TLK1: variants seen among roughly 807,000 people sequenced by gnomAD.
TLK1 encodes tousled like kinase 1.
In TLK1, 24 loss-of-function variants were observed where a neutral mutation model predicts 105.3. That is an observed-to-expected ratio of 0.23 (90% CI 0.17 to 0.32). The LOEUF (loss-of-function observed/expected upper bound fraction) is 0.32. TLK1 is among the 10% of genes least tolerant of loss of function. TLK1 has a pLI of 1.00. For synonymous variants in TLK1, 321 were observed against 310.4 expected (o/e 1.03, Z -0.36); for missense variants, 558 against 910.5 (o/e 0.61, Z 4.98).
At chr2:171,187,073 A>G (rs1308099099) in intron 1 of TLK1, among the ~76,000 whole-genome samples, 2 of 128,304 alleles carry the variant, frequency 1.6e-5, no homozygotes, top group East Asian at 3.6e-4. Flanking sequence ...AAAAAAAAAA[A>G]AAAAAAAAAA....
intron 3 of TLK1, among the ~76,000 whole-genome samples, chr2:171,079,187 T>C (rs1303288039): frequency 2.0e-5 from 3 of 152,202 alleles, no homozygotes; most frequent in African/African-American, 7.2e-5. Context: ...ACACATATCC[T>C]AGTCCCTCTG....
At chr2:171,097,643 G>A (rs571325633) in intron 2 of TLK1, among the ~76,000 whole-genome samples, 5 of 152,224 alleles carry the variant, frequency 3.3e-5, no homozygotes, top group Admixed American at 1.3e-4. Context: ...AAGAATAGGC[G>A]GCCGGGTGTG....
At chr2:171,052,290 A>G (rs1241165196) in intron 8 of TLK1, among the ~76,000 whole-genome samples, 1 of 152,032 alleles carries the variant, frequency 6.6e-6, no homozygotes, top group Non-Finnish European at 1.5e-5. Context: ...CAGACCAAAA[A>G]ACCTTGAGAA....
At position 171,058,479 on chromosome 2, in the gene TLK1, AAACT is replaced by A. The variant is rs1228525121; in HGVS notation, c.407-286_407-283del. On this transcript the variant is annotated intron_variant, in intron 4 of 20. Coordinates refer to ENST00000431350, the MANE Select transcript of TLK1 (RefSeq NM_012290.5). ...AAAAAGTAGCGACTGCATCACTGACAAACTAACCTTTACTTGTAAATAATAATAA... is the reference window on the plus strand; with the variant it reads ...AAAAAGTAGCGACTGCATCACTGACAAACCTTTACTTGTAAATAATAATAA... 4.3e-4 allele frequency among the ~76,000 whole-genome samples: 65 copies of A among 152,310 alleles called. 1 individual carries two copies. Among genetic ancestry groups the A allele is most frequent in the Middle Eastern group, 3.4e-3 (1 of 294 alleles).
chr2:171,217,105 A>G (rs566504209), intron 1 of TLK1, among the ~76,000 whole-genome samples: 211 of 152,346 alleles, frequency 1.4e-3, no homozygotes, highest in African/African-American at 4.9e-3. Flanking sequence ...GCAGTGCCAC[A>G]GAACAGGAGT....
chr2:171,056,601 T>C (rs1687513207), intron 5 of TLK1, 35 bp from the exon 6 acceptor site: 4 of 1,536,574 alleles, frequency 2.6e-6, no homozygotes, highest in Middle Eastern at 1.7e-4. Context: ...TATTATTTAC[T>C]AAAGCAGGCT....
At chr2:171,218,771 C>T (rs549497809) in intron 1 of TLK1, among the ~76,000 whole-genome samples, 2 of 152,276 alleles carry the variant, frequency 1.3e-5, no homozygotes, top group African/African-American at 2.4e-5. Context: ...TTGTAGGAGC[C>T]TTAATCCCAT....
upstream of TLK1, among the ~76,000 whole-genome samples, chr2:171,164,826 A>G (rs1692576908): frequency 6.6e-6 from 1 of 152,182 alleles, no homozygotes; most frequent in Non-Finnish European, 1.5e-5. Flanking sequence ...TGTCCGATAA[A>G]AAAATAGATC....
intron 18 of TLK1, among the ~76,000 whole-genome samples, chr2:171,005,333 G>C (rs1395234079): frequency 6.6e-6 from 1 of 152,186 alleles, no homozygotes; most frequent in African/African-American, 2.4e-5. Context: ...ATGAATCTGT[G>C]ATTATATCTA....
Position 171,123,291 on chromosome 2 carries a change from G to A in TLK1, c.140-5434C>T, listed in dbSNP as rs571549731. ...GGCTCACTACAACCTCCACCGCCCA[G>A]GTTCAAGAGATTCTCCCACCTCAGC... On this transcript the variant is annotated intron_variant, in intron 1 of 20. Transcript: ENST00000431350. 3.3e-5 allele frequency among the ~76,000 whole-genome samples: 5 copies of A among 152,218 alleles called. No homozygotes were observed. The South Asian group carries it at 1.0e-3, about 32-fold the overall frequency.
intron 4 of TLK1, 120 bp from the exon 5 acceptor site, chr2:171,058,317 A>G: frequency 2.3e-6 from 2 of 877,312 alleles, no homozygotes; most frequent in Non-Finnish European, 3.6e-6. Flanking sequence ...ACATTTCAAT[A>G]GAGACATGCC....
At chr2:171,076,218 G>A (rs982505787) in intron 3 of TLK1, among the ~76,000 whole-genome samples, 5 of 151,720 alleles carry the variant, frequency 3.3e-5, no homozygotes, top group African/African-American at 7.3e-5. Context: ...ACTCCATCTC[G>A]GAGGGCGGGG....
intron 10 of TLK1, 119 bp downstream of exon 10, chr2:171,049,695 A>C: frequency 1.6e-6 from 2 of 1,273,480 alleles, no homozygotes; most frequent in Non-Finnish European, 2.1e-6. Context: ...CAAAGGTACT[A>C]AATTCTATGA....
chr2:171,040,440 G>C (rs1028883320), intron 11 of TLK1, among the ~76,000 whole-genome samples: 1 of 152,048 alleles, frequency 6.6e-6, no homozygotes, highest in Admixed American at 6.6e-5. Context: ...AGGTATATAG[G>C]AACTCTGTAC....
At chr2:171,001,970 G>A (rs187062821) in intron 18 of TLK1, among the ~76,000 whole-genome samples, 7 of 152,066 alleles carry the variant, frequency 4.6e-5, no homozygotes, top group Middle Eastern at 3.4e-3. Flanking sequence ...TGATAGAGAC[G>A]GGGTTTCACC....
intron 2 of TLK1, among the ~76,000 whole-genome samples, chr2:171,115,885 T>C (rs1690403811): frequency 6.6e-6 from 1 of 152,224 alleles, no homozygotes. Context: ...TACTCTTTCA[T>C]CTTTTATGTT....
At chr2:171,152,969 T>A (rs1191697705) in intron 1 of TLK1, among the ~76,000 whole-genome samples, 2 of 152,168 alleles carry the variant, frequency 1.3e-5, no homozygotes, top group Non-Finnish European at 2.9e-5. Context: ...ATTGGGTTGT[T>A]TGGTTGGGGT....
chr2:171,100,967 T>C (rs1223610000), intron 2 of TLK1, among the ~76,000 whole-genome samples: 6 of 152,210 alleles, frequency 3.9e-5, no homozygotes, highest in African/African-American at 1.2e-4. Context: ...GGCACATCCA[T>C]ATAATGGAAC....
At chr2:171,196,716 T>C (rs192891262) in intron 1 of TLK1, among the ~76,000 whole-genome samples, 225 of 152,222 alleles carry the variant, frequency 1.5e-3, no homozygotes, top group African/African-American at 5.3e-3. Flanking sequence ...AAAAAAATGG[T>C]ATGGTATCTG....
Sources: gnomAD v4.1 joint callset for allele counts (sites outside exome capture counted in the v4.1 genomes callset) on GRCh38, gnomAD v4.1.1 for gene constraint, MANE v1.5 for transcripts, NCBI Gene and HGNC (gene_info 2026-07-23, HGNC 2026-07-21) for gene names.